The following GTF2IRD1 variants were observed in gnomAD, a reference collection of about 807,000 sequenced individuals.
The protein encoded by GTF2IRD1 is general transcription factor II-I repeat domain-containing protein 1.
A neutral mutation model predicts 113.2 loss-of-function variants in GTF2IRD1; 26 were observed. The observed-to-expected ratio is 0.23, with a 90% CI of 0.17 to 0.32. The LOEUF is 0.32. Ranked by LOEUF, GTF2IRD1 falls within the 10% of genes least tolerant of loss-of-function variation. GTF2IRD1 has a pLI of 1.00. For synonymous variants in GTF2IRD1, 484 were observed against 529.1 expected (o/e 0.91, Z 1.17); for missense variants, 864 against 1,280.8 (o/e 0.67, Z 4.97).
At chr7:74,486,391 C>G (rs1228568084) in intron 1 of GTF2IRD1, among the ~76,000 whole-genome samples, 1 of 152,206 alleles carries the variant, frequency 6.6e-6, no homozygotes, top group Non-Finnish European at 1.5e-5. Context: ...TCTCTCTCCT[C>G]TGGCTGAGGG....
chr7:74,481,355 C>T (rs1223640803), intron 1 of GTF2IRD1, among the ~76,000 whole-genome samples: 2 of 151,784 alleles, frequency 1.3e-5, no homozygotes, highest in Non-Finnish European at 2.9e-5. Context: ...TGGGGTCTTG[C>T]GATGTTGCCC....
chr7:74,549,086 T>C (rs1382362787), intron 17 of GTF2IRD1, among the ~76,000 whole-genome samples: 1 of 151,818 alleles, frequency 6.6e-6, no homozygotes, highest in African/African-American at 2.4e-5. Flanking sequence ...GGTCAGGAGT[T>C]CGAGACCAGC....
Position 74,536,291 on chromosome 7 carries a change from T to A in GTF2IRD1, c.1409+16T>A. On this transcript the variant is annotated intron_variant, in intron 11 of 26. Transcript: ENST00000424337. ...GGAATGCTCGGTGAGGCCCCGCCCC[T>A]GGCCCCGGAGGCCCGCGGCCAGCCC... The A allele has an allele frequency of 6.5e-7, 1 of 1,530,166 alleles. No individual in the cohort carries two copies. Among genetic ancestry groups the A allele is most frequent in the Non-Finnish European group, 9.1e-7 (1 of 1,104,546 alleles). The allele number at this position is 1,530,166 out of a possible 1,614,324, so 94.8% of individuals were successfully genotyped here. A position where few individuals can be genotyped will look rare whatever the true frequency, so the allele number is the denominator to read the frequency against.
intron 1 of GTF2IRD1, among the ~76,000 whole-genome samples, chr7:74,500,182 G>C (rs1438114850): frequency 6.6e-6 from 1 of 152,150 alleles, no homozygotes; most frequent in Admixed American, 6.5e-5. Flanking sequence ...AAATGACCTT[G>C]AACCGCTGCC....
intron 13 of GTF2IRD1, among the ~76,000 whole-genome samples, chr7:74,539,257 G>C (rs587736265): frequency 3.9e-5 from 6 of 151,972 alleles, no homozygotes; most frequent in Admixed American, 3.9e-4. Flanking sequence ...ACCAGCCTGG[G>C]CAGCATAGCA....
chr7:74,522,898 T>C (rs587617495), intron 7 of GTF2IRD1, among the ~76,000 whole-genome samples: 1 of 152,344 alleles, frequency 6.6e-6, no homozygotes, highest in South Asian at 2.1e-4. Flanking sequence ...TTGTTACTTT[T>C]ACTGATTATA....
intron 13 of GTF2IRD1, 131 bp from the exon 14 acceptor site, chr7:74,539,748 C>CAA (rs879998108): frequency 6.4e-4 from 323 of 507,548 alleles, no homozygotes; most frequent in Non-Finnish European, 7.2e-4. Flanking sequence ...CATCTCAAAC[C>CAA]AAAAAAAAAA....
chr7:74,478,807 G>A (rs1056309597), intron 1 of GTF2IRD1, among the ~76,000 whole-genome samples: 4 of 151,316 alleles, frequency 2.6e-5, no homozygotes, highest in Non-Finnish European at 4.4e-5. Context: ...GTGCAGTAGC[G>A]TGATCATGGC....
chr7:74,593,285 C>T (rs1340177191), intron 24 of GTF2IRD1, among the ~76,000 whole-genome samples: 2 of 151,634 alleles, frequency 1.3e-5, no homozygotes, highest in Admixed American at 6.6e-5. Flanking sequence ...CTAGAAAATG[C>T]AGGAAAACGG....
At chr7:74,599,357 G>A (rs1802610392) in intron 25 of GTF2IRD1, among the ~76,000 whole-genome samples, 1 of 152,178 alleles carries the variant, frequency 6.6e-6, no homozygotes, top group South Asian at 2.1e-4. Context: ...GCTGCTCAAA[G>A]TCTTACATCT....
intron 17 of GTF2IRD1, among the ~76,000 whole-genome samples, chr7:74,547,755 C>CTTTTT (rs587743253): frequency 5.3e-5 from 6 of 114,238 alleles, no homozygotes; most frequent in African/African-American, 1.7e-4. Context: ...TTCTCTCTCT[C>CTTTTT]TTTTTTTTTT....
intron 7 of GTF2IRD1, 146 bp downstream of exon 7, chr7:74,521,443 G>A: frequency 1.5e-6 from 1 of 657,604 alleles, no homozygotes; most frequent in Non-Finnish European, 2.8e-6. Context: ...AAACTGGGGT[G>A]TAATAGTTAT....
chr7:74,597,835 G>A (rs1363920951), intron 25 of GTF2IRD1, among the ~76,000 whole-genome samples: 21 of 152,252 alleles, frequency 1.4e-4, no homozygotes, highest in Non-Finnish European at 1.6e-4. Flanking sequence ...ATAGACCACC[G>A]TGGGCCACAC....
chr7:74,481,380 C>T (rs1794733686), intron 1 of GTF2IRD1, among the ~76,000 whole-genome samples: 1 of 152,048 alleles, frequency 6.6e-6, no homozygotes, highest in Admixed American at 6.6e-5. Context: ...TGGTCTCAAA[C>T]TCTTGGCCTC....
intron 19 of GTF2IRD1, 148 bp from the exon 20 acceptor site, chr7:74,557,491 G>A (rs1554357376): frequency 1.3e-5 from 8 of 592,812 alleles, no homozygotes; most frequent in South Asian, 1.3e-4. Context: ...TCAACATGTC[G>A]GTGCTGAAGG....
intron 6 of GTF2IRD1, among the ~76,000 whole-genome samples, chr7:74,520,210 T>C (rs1554345644): frequency 2.0e-5 from 3 of 150,278 alleles, no homozygotes; most frequent in African/African-American, 7.4e-5. Context: ...ATGCATTCCA[T>C]GAGGACCCAT....
intron 9 of GTF2IRD1, among the ~76,000 whole-genome samples, chr7:74,534,401 A>C (rs1798155709): frequency 6.6e-6 from 1 of 152,228 alleles, no homozygotes; most frequent in Non-Finnish European, 1.5e-5. Context: ...CAGGAGTTCG[A>C]GACCAGCCTG....
intron 1 of GTF2IRD1, among the ~76,000 whole-genome samples, chr7:74,492,741 C>T (rs1407544390): frequency 1.3e-5 from 2 of 151,526 alleles, no homozygotes; most frequent in African/African-American, 4.9e-5. Flanking sequence ...ATCAAGGTGC[C>T]GACAGTGCCA....
At chr7:74,564,944 G>A (rs1161662312) in intron 22 of GTF2IRD1, among the ~76,000 whole-genome samples, 2 of 152,130 alleles carry the variant, frequency 1.3e-5, no homozygotes, top group Non-Finnish European at 2.9e-5. Flanking sequence ...AGGGCAGTGG[G>A]TGAATTTCAG....
Sources: allele counts gnomAD v4.1 joint callset (sites outside exome capture counted in the v4.1 genomes callset), GRCh38; gene constraint gnomAD v4.1.1; transcripts MANE v1.5; gene names NCBI Gene and HGNC (gene_info 2026-07-23, HGNC 2026-07-21).